The following PFAS variants were observed in gnomAD, a reference collection of about 807,000 sequenced individuals.
PFAS encodes phosphoribosylformylglycinamidine synthase.
A neutral mutation model predicts 140.6 loss-of-function variants in PFAS; 97 were observed. That is an observed-to-expected ratio of 0.69 (90% CI 0.59 to 0.82). PFAS has a LOEUF of 0.82. Ranked by LOEUF, PFAS falls within the 40% of genes least tolerant of loss-of-function variation. The pLI is 0.00. For missense variants in PFAS, 1,656 were observed against 1,780.2 expected, an observed-to-expected ratio of 0.93 and a Z score of 1.26; for synonymous variants, 679 against 718.8, an observed-to-expected ratio of 0.94 and a Z score of 0.88.
chr17:8,263,147 T>C lies in PFAS; in HGVS notation c.1449T>C (p.Ala483=). Residue 483 remains alanine (A), a synonymous_variant, in exon 13 of 28, where the codon GCT becomes GCC. Transcript: ENST00000314666. ...GDNTSDLDFG[A]VQRGDPEMEQ... The stretch of plus-strand genomic sequence containing the variant: ...ACACCAGTGACCTGGACTTTGGGGC[T>C]GTGCAGCGAGGAGACCCGGAGATGG... 1.2e-6 allele frequency: 2 copies of C among 1,614,056 alleles called. No homozygotes were observed. Among genetic ancestry groups the C allele is most frequent in the Middle Eastern group, 1.6e-4 (1 of 6,062 alleles).
In PFAS at chr17:8,265,588, C is replaced by T. The variant is rs1456010624; in HGVS notation, c.2494C>T (p.Pro832Ser). 1 of 1,614,130 alleles carries T rather than the reference C, an allele frequency of 6.2e-7. No homozygotes were observed. Among genetic ancestry groups the T allele is most frequent in the Admixed American group, 1.7e-5 (1 of 60,016 alleles). The change falls in exon 20 of 28, where the codon CCA (proline) becomes TCA (serine). Residue 832 changes from proline (P) to serine (S), a missense_variant. This residue lies in a region of PFAS where 883 missense variants were observed against 1,023.0 expected (regional missense o/e 0.86). Transcript: ENST00000314666. ...SLVISAYAVC[P>S]DITATVTPDL... ...GGTCATCTCAGCCTATGCCGTCTGC[C>T]CAGACATCACAGCCACTGTGACCCC...
chr17:8,267,933 T>C lies in PFAS; in HGVS notation c.3382+268T>C, dbSNP rs1015531716. On this transcript the variant is annotated intron_variant, in intron 26 of 27. Coordinates refer to ENST00000314666, the MANE Select transcript of PFAS (RefSeq NM_012393.3). The surrounding 1 kb of genome is among the most constrained non-coding windows in gnomAD (Gnocchi z 4.9). Reference sequence around the variant, plus strand: ...ATATATTATTTATATATTATTAAAATGTATATTATTTATATATTATTAAAA... The same window carrying C: ...ATATATTATTTATATATTATTAAAACGTATATTATTTATATATTATTAAAA... Among the ~76,000 whole-genome samples, 7 of 145,308 alleles carry C rather than the reference T, an allele frequency of 4.8e-5. No homozygotes were observed. The highest frequency in any genetic ancestry group is 1.7e-4 in the African/African-American group (7 of 40,032).
At position 8,269,317 on chromosome 17, in the gene PFAS, G is replaced by C. The variant is rs1347061392; in HGVS notation, c.*53G>C. On this transcript the variant is annotated 3_prime_UTR_variant, in exon 28 of 28. Coordinates refer to ENST00000314666, the MANE Select transcript of PFAS (RefSeq NM_012393.3). Reference sequence around the variant, plus strand: ...ATGGCTTTTCACCTAAGTGGGTCCTGCCCCCTCCCCCATGACCTTCAGGAG... The same window carrying C: ...ATGGCTTTTCACCTAAGTGGGTCCTCCCCCCTCCCCCATGACCTTCAGGAG... 1.5e-6 allele frequency: 2 copies of C among 1,308,394 alleles called. No individual in the cohort carries two copies. Among genetic ancestry groups the C allele is most frequent in the Non-Finnish European group, 1.1e-6 (1 of 938,712 alleles). The allele number at this position is 1,308,394 out of a possible 1,614,324, so 81.0% of individuals were successfully genotyped here.
At chr17:8,265,209 G>A in intron 18 of PFAS, 79 bp from the exon 19 acceptor site, 1 of 1,569,968 alleles carries the variant, frequency 6.4e-7, no homozygotes, top group African/African-American at 1.3e-5. Flanking sequence ...ATTTCATGTT[G>A]CAACCTCCCA....
chr17:8,261,807 C>T (rs1045050838), intron 11 of PFAS, among the ~76,000 whole-genome samples: 9 of 151,930 alleles, frequency 5.9e-5, no homozygotes, highest in African/African-American at 2.2e-4. Flanking sequence ...GATTGGATTT[C>T]ACTGTGTTAG....
chr17:8,253,298 TG>T (rs1381184385), intron 1 of PFAS, among the ~76,000 whole-genome samples: 1 of 152,136 alleles, frequency 6.6e-6, no homozygotes, highest in Non-Finnish European at 1.5e-5. Context: ...AGACCTTGAC[TG>T]GGGCCCAGCA....
At chr17:8,258,514 G>A (rs1989463587) in intron 11 of PFAS, among the ~76,000 whole-genome samples, 1 of 152,122 alleles carries the variant, frequency 6.6e-6, no homozygotes, top group African/African-American at 2.4e-5. Context: ...AACAGCATGA[G>A]AATAAAATAA....
chr17:8,254,894 C>T (rs1192909135), intron 3 of PFAS, 133 bp from the exon 4 acceptor site: 3 of 644,852 alleles, frequency 4.7e-6, no homozygotes, highest in South Asian at 1.9e-5. Flanking sequence ...TCTTGTTGCC[C>T]AGCCTGAGGC....
chr17:8,257,925 A>G lies in PFAS; in HGVS notation c.1194A>G (p.Glu398=), dbSNP rs751231585. 1 of 1,614,224 alleles carries G rather than the reference A, an allele frequency of 6.2e-7. No homozygotes were observed. Reference sequence around the variant, plus strand: ...CTGACTATGGCAACAAGTTTGGGGAACCAGTGCTGGCTGGTGAGGCTGGGG... The same window carrying G: ...CTGACTATGGCAACAAGTTTGGGGAGCCAGTGCTGGCTGGTGAGGCTGGGG... ...GASDYGNKFG[E]PVLAGFARSL... is the part of the protein sequence containing the mutation. The change falls in exon 10 of 28, where the codon GAA becomes GAG. Residue 398 remains glutamate (E), a synonymous_variant. Coordinates refer to ENST00000314666, the MANE Select transcript of PFAS (RefSeq NM_012393.3).
At chr17:8,257,037 T>G in intron 9 of PFAS, 74 bp downstream of exon 9, 1 of 1,509,284 alleles carries the variant, frequency 6.6e-7, no homozygotes, top group Non-Finnish European at 9.2e-7. Context: ...CTTCTATCTG[T>G]TAGGTCCATA....
intron 1 of PFAS, among the ~76,000 whole-genome samples, chr17:8,251,344 C>T (rs1989143792): frequency 6.6e-6 from 1 of 152,080 alleles, no homozygotes; most frequent in East Asian, 2.0e-4. Flanking sequence ...TGCAGTGGCA[C>T]AATCGTAGCT....
At chr17:8,263,345 C>G in intron 13 of PFAS, 80 bp downstream of exon 13, 1 of 1,450,132 alleles carries the variant, frequency 6.9e-7, no homozygotes, top group Non-Finnish European at 9.6e-7. Context: ...TATCAGGAAT[C>G]TCCAACCAAC....
intron 4 of PFAS, 103 bp from the exon 5 acceptor site, chr17:8,255,399 G>A: frequency 1.1e-6 from 1 of 876,026 alleles, no homozygotes; most frequent in Non-Finnish European, 1.8e-6. Context: ...CATATGGTGT[G>A]GCAGTGGGCT....
At chr17:8,257,543 G>A (rs1037159345) in intron 9 of PFAS, among the ~76,000 whole-genome samples, 10 of 151,884 alleles carry the variant, frequency 6.6e-5, no homozygotes, top group Non-Finnish European at 1.3e-4. Flanking sequence ...GTGATAGAGC[G>A]AGACTCCATC....
intron 4 of PFAS, 56 bp downstream of exon 4, chr17:8,255,188 C>G: frequency 2.3e-6 from 3 of 1,306,230 alleles, no homozygotes; most frequent in Non-Finnish European, 3.3e-6. Flanking sequence ...AGATTAGATC[C>G]TAAGCTCTAG....
Position 8,255,029 on chromosome 17 carries a change from T to C in PFAS, c.281T>C (p.Leu94Pro). ...TAACCATCAGGCCCATTGTTCAGGC[T>C]GAACTTCTCCACCCCAACATCCACC... ...NDLLLEVGPR[L>P]NFSTPTSTNI... Residue 94 changes from leucine (L) to proline (P), a missense_variant and splice_region_variant, in exon 4 of 28, where the codon CTG becomes CCG. By Grantham distance (98) the Leu-to-Pro change is moderately conservative. Transcript: ENST00000314666. 1 of 1,612,802 alleles carries C rather than the reference T, an allele frequency of 6.2e-7. No homozygotes were observed. Among genetic ancestry groups the C allele is most frequent in the Non-Finnish European group, 8.5e-7 (1 of 1,178,888 alleles).
Position 8,255,834 on chromosome 17 carries a change from T to G in PFAS, c.604T>G (p.Phe202Val), listed in dbSNP as rs1405416627. ...GGCTTTAGACTCTTGGGACCTAGAC[T>G]TCTACACCAAGCGCTTCCAGGAGCT... is the stretch of plus-strand genomic sequence containing the variant. ...GLALDSWDLDFYTKRFQELQR... is the reference protein window; with the variant it reads ...GLALDSWDLDVYTKRFQELQR... The change falls in exon 6 of 28, where the codon TTC becomes GTC. Residue 202 changes from phenylalanine to valine, a missense_variant. Phe to Val is a conservative substitution (Grantham distance 50). Coordinates refer to ENST00000314666, the MANE Select transcript of PFAS (RefSeq NM_012393.3). The G allele has an allele frequency of 1.2e-6, 2 of 1,613,908 alleles. No individual in the cohort carries two copies. The highest frequency in any genetic ancestry group is 1.7e-6 in the Non-Finnish European group (2 of 1,179,970).
rs375776382 is a variant in PFAS, at chr17:8,255,866, G to A, written c.636G>A (p.Arg212=). ...CCAAGCGCTTCCAGGAGCTACAGCG[G>A]AACCCGAGCACTGTGGAGGCCTTTG... The part of the protein sequence containing the change: ...FYTKRFQELQ[R]NPSTVEAFDL... The change falls in exon 6 of 28, where the codon CGG becomes CGA. Residue 212 remains arginine, a synonymous_variant. Transcript: ENST00000314666. 1.2e-6 allele frequency: 2 copies of A among 1,614,138 alleles called. No individual in the cohort carries two copies. The highest frequency in any genetic ancestry group is 2.7e-5 in the African/African-American group (2 of 75,042).
At position 8,269,329 on chromosome 17, in the gene PFAS, A is replaced by G; in HGVS notation, c.*65A>G. The G allele has an allele frequency of 8.5e-7, 1 of 1,175,402 alleles. No individual in the cohort carries two copies. Among genetic ancestry groups the G allele is most frequent in the Non-Finnish European group, 1.2e-6 (1 of 825,532 alleles). 72.8% of individuals were successfully genotyped at this position (1,175,402 alleles called of 1,614,324 possible). A position where few individuals can be genotyped will look rare whatever the true frequency, so the allele number is the denominator to read the frequency against. On this transcript the variant is annotated 3_prime_UTR_variant, in exon 28 of 28. Transcript: ENST00000314666. The stretch of plus-strand genomic sequence containing the variant: ...CTAAGTGGGTCCTGCCCCCTCCCCC[A>G]TGACCTTCAGGAGCACCCCATATTA...
Sources: allele counts gnomAD v4.1 joint callset (sites outside exome capture counted in the v4.1 genomes callset), GRCh38; gene constraint gnomAD v4.1.1; regional missense constraint gnomAD v4.1.1; non-coding constraint Gnocchi (gnomAD v3.1); transcripts MANE v1.5; gene names NCBI Gene and HGNC (gene_info 2026-07-23, HGNC 2026-07-21).